PTPRZ1: variants seen among roughly 807,000 people sequenced by gnomAD.
PTPRZ1 encodes the protein protein tyrosine phosphatase receptor type Z1, also known as receptor-type tyrosine-protein phosphatase zeta.
In PTPRZ1, 82 loss-of-function variants were observed where a neutral mutation model predicts 214.1. The observed-to-expected ratio is 0.38, with a 90% CI of 0.32 to 0.46. The LOEUF (loss-of-function observed/expected upper bound fraction) is 0.46. Ranked by LOEUF, PTPRZ1 falls within the 20% of genes least tolerant of loss-of-function variation. The probability of loss-of-function intolerance (pLI) is 1.00; values close to 1 mark genes in which losing one functional copy is unlikely to be tolerated. For missense variants in PTPRZ1, 2,603 were observed against 2,748.7 expected (o/e 0.95, Z 1.19); for synonymous variants, 945 against 987.9 (o/e 0.96, Z 0.81).
rs1478258425 is a variant in PTPRZ1, at chr7:122,039,520, A to C, written c.5569A>C (p.Lys1857Gln). 3 of 1,613,914 alleles carry C rather than the reference A, an allele frequency of 1.9e-6. No individual in the cohort carries two copies. Among genetic ancestry groups the C allele is most frequent in the Non-Finnish European group, 1.7e-6 (2 of 1,179,946 alleles). ...GTACGGGAACTTTCTGGTCACTCAG[A>C]AGAGTGTGCAAGTGCTTGCCTATTA... is the stretch of plus-strand genomic sequence containing the variant. ...EEYGNFLVTQ[K>Q]SVQVLAYYTV... Residue 1857 changes from lysine (K) to glutamine (Q), a missense_variant, in exon 20 of 30, where the codon AAG becomes CAG. Physicochemically the swap from Lys to Gln is moderately conservative, Grantham distance 53. Transcript: ENST00000393386.
intron 8 of PTPRZ1, among the ~76,000 whole-genome samples, chr7:121,986,217 C>T (rs1797759201): frequency 2.0e-5 from 3 of 152,190 alleles, no homozygotes. Flanking sequence ...TCACTTCACT[C>T]TTATGAAGTT....
intron 1 of PTPRZ1, among the ~76,000 whole-genome samples, chr7:121,905,670 C>T (rs1795094675): frequency 6.6e-6 from 1 of 152,056 alleles, no homozygotes; most frequent in Admixed American, 6.5e-5. Context: ...CACACACACA[C>T]ACACACAAAT....
chr7:122,036,802 A>T, intron 18 of PTPRZ1, 120 bp downstream of exon 18: 1 of 664,574 alleles, frequency 1.5e-6, no homozygotes, highest in African/African-American at 1.9e-5. Context: ...TAGAGAATAA[A>T]AATGGTAAAG....
chr7:121,950,217 C>T (rs1796509949), intron 2 of PTPRZ1, among the ~76,000 whole-genome samples: 1 of 152,150 alleles, frequency 6.6e-6, no homozygotes. Context: ...TTCACTATCA[C>T]TAGAACAGCA....
chr7:122,013,886 G>A lies in PTPRZ1; in HGVS notation c.4840G>A (p.Ala1614Thr), dbSNP rs1798764443. ...CTCAGAAGTGTTCCACGTTTCAGAG[G>A]CAGGTTAGTTACGGATCAGAAGGAC... is the stretch of plus-strand genomic sequence containing the variant. Reference protein sequence around the residue: ...ENSEVFHVSEAEASNSSHESR... With the variant: ...ENSEVFHVSETEASNSSHESR... The change falls in exon 12 of 30, where the codon GCA becomes ACA. Residue 1614 changes from alanine (A) to threonine (T), a missense_variant. Ala to Thr is a moderately conservative substitution (Grantham distance 58). Coordinates refer to ENST00000393386, the MANE Select transcript of PTPRZ1 (RefSeq NM_002851.3). The A allele has an allele frequency of 1.9e-6, 3 of 1,601,392 alleles. No individual in the cohort carries two copies. In the African/African-American group the frequency reaches 4.0e-5, roughly 21 times the overall value.
At chr7:121,987,616 G>A (rs1300147971) in intron 8 of PTPRZ1, among the ~76,000 whole-genome samples, 1 of 152,046 alleles carries the variant, frequency 6.6e-6, no homozygotes, top group East Asian at 1.9e-4. Flanking sequence ...GGTATGAGAT[G>A]GTATCTCATT....
chr7:121,980,368 CAT>C (rs1427201442), intron 6 of PTPRZ1, among the ~76,000 whole-genome samples: 1 of 152,108 alleles, frequency 6.6e-6, no homozygotes, highest in Non-Finnish European at 1.5e-5. Flanking sequence ...GTATTGAAAA[CAT>C]AAATCTAAAA....
In PTPRZ1 at chr7:121,968,043, G is replaced by C. The variant is rs201274815; in HGVS notation, c.217G>C (p.Val73Leu). ...PINIDEDLTQ[V>L]NVNLKKLKFQ... ...CAATATTGATGAAGATCTTACACAAGTAAATGTGAATCTTAAGAAACTTAA... is the reference window on the plus strand; with the variant it reads ...CAATATTGATGAAGATCTTACACAACTAAATGTGAATCTTAAGAAACTTAA... The change falls in exon 3 of 30, where the codon GTA becomes CTA. Residue 73 changes from valine to leucine, a missense_variant. Transcript: ENST00000393386. The C allele has an allele frequency of 1.0e-5, 16 of 1,597,074 alleles. No individual in the cohort carries two copies. Among genetic ancestry groups the C allele is most frequent in the African/African-American group, 8.1e-5 (6 of 74,534 alleles).
At chr7:121,977,331 T>G (rs1797471709) in intron 6 of PTPRZ1, among the ~76,000 whole-genome samples, 1 of 152,194 alleles carries the variant, frequency 6.6e-6, no homozygotes, top group Non-Finnish European at 1.5e-5. Flanking sequence ...TGGAAGAAGG[T>G]CAACACTTAC....
intron 2 of PTPRZ1, among the ~76,000 whole-genome samples, chr7:121,948,293 T>A (rs1796447510): frequency 6.6e-6 from 1 of 152,026 alleles, no homozygotes; most frequent in South Asian, 2.1e-4. Context: ...AATAAATAAA[T>A]AATTGCAGAG....
intron 13 of PTPRZ1, 91 bp downstream of exon 13, chr7:122,019,359 A>C (rs771674092): frequency 3.3e-5 from 43 of 1,313,326 alleles, no homozygotes; most frequent in Non-Finnish European, 4.3e-5. Flanking sequence ...CATATTCAAA[A>C]TGTATTTTAC....
At chr7:121,916,175 G>A (rs531001832) in intron 1 of PTPRZ1, among the ~76,000 whole-genome samples, 4 of 151,452 alleles carry the variant, frequency 2.6e-5, no homozygotes, top group Admixed American at 6.6e-5. Context: ...TTGGAAATCC[G>A]AGGCAGGAGA....
intron 2 of PTPRZ1, among the ~76,000 whole-genome samples, chr7:121,932,635 A>T (rs1186851790): frequency 6.6e-6 from 1 of 152,200 alleles, no homozygotes; most frequent in African/African-American, 2.4e-5. Context: ...ATTAATAAAA[A>T]TTACTAAGTA....
chr7:121,918,925 T>C (rs982946870), intron 1 of PTPRZ1, among the ~76,000 whole-genome samples: 3 of 152,016 alleles, frequency 2.0e-5, no homozygotes, highest in East Asian at 1.9e-4. Context: ...CCTTATATAA[T>C]TTATTTAAAC....
At chr7:121,985,418 G>C (rs1004868684) in intron 8 of PTPRZ1, among the ~76,000 whole-genome samples, 1 of 152,000 alleles carries the variant, frequency 6.6e-6, no homozygotes, top group Non-Finnish European at 1.5e-5. Context: ...ATCACTTTTG[G>C]AATAAAGTTC....
In PTPRZ1 at chr7:122,044,451, G is replaced by A. The variant is rs768124240; in HGVS notation, c.5967G>A (p.Leu1989=). The A allele has an allele frequency of 7.4e-6, 12 of 1,613,828 alleles. No homozygotes were observed. In the Admixed American group the frequency reaches 2.0e-4, roughly 27 times the overall value. ...AATATGTCTTCATTCATGATACACT[G>A]GTTGAGGCCATACTTAGTAAAGAAA... is the stretch of plus-strand genomic sequence containing the variant. ...EEQYVFIHDT[L]VEAILSKETE... is the part of the protein sequence containing the mutation. The change falls in exon 23 of 30, where the codon CTG becomes CTA. Residue 1989 remains leucine, a synonymous_variant. Coordinates refer to ENST00000393386, the MANE Select transcript of PTPRZ1 (RefSeq NM_002851.3).
At chr7:121,988,721 AG>A (rs879641445) in intron 8 of PTPRZ1, among the ~76,000 whole-genome samples, 70 of 152,340 alleles carry the variant, frequency 4.6e-4, no homozygotes, top group African/African-American at 1.6e-3. Context: ...CATTGGCCAA[AG>A]CTTACTCATG....
chr7:121,922,934 A>G (rs560964462), intron 1 of PTPRZ1, among the ~76,000 whole-genome samples: 102 of 152,238 alleles, frequency 6.7e-4, no homozygotes, highest in Non-Finnish European at 1.2e-3. Context: ...CATATGAAAT[A>G]CATTCAATGC....
rs566015807 is a variant in PTPRZ1, at chr7:121,994,317, C to T, written c.929-2065C>T. On this transcript the variant is annotated intron_variant, in intron 8 of 29. Coordinates refer to ENST00000393386, the MANE Select transcript of PTPRZ1 (RefSeq NM_002851.3). ...TTTTTTTTTTTTTTTTTTTTTGAGACGGAGTCTTGCTCTGTTGCCCCGGCT... is the reference window on the plus strand; with the variant it reads ...TTTTTTTTTTTTTTTTTTTTTGAGATGGAGTCTTGCTCTGTTGCCCCGGCT... Among the ~76,000 whole-genome samples, 286 of 32,042 alleles carry T rather than the reference C, an allele frequency of 8.9e-3. 1 individual carries two copies. The highest frequency in any genetic ancestry group is 0.015 in the Non-Finnish European group (242 of 15,842). 21.0% of individuals were successfully genotyped at this position (32,042 alleles called of 152,430 possible).
Sources: gnomAD v4.1 joint callset for allele counts (sites outside exome capture counted in the v4.1 genomes callset) on GRCh38, gnomAD v4.1.1 for gene constraint, MANE v1.5 for transcripts, NCBI Gene and HGNC (gene_info 2026-07-23, HGNC 2026-07-21) for gene names.